The following TAFA1 variants were observed in gnomAD, a reference collection of about 807,000 sequenced individuals.
TAFA1 encodes the protein chemokine-like protein TAFA-1.
Under a neutral mutation model 18.5 loss-of-function variants are expected in TAFA1, and 4 were observed. That is an observed-to-expected ratio of 0.22 (90% confidence interval 0.11 to 0.49). The LOEUF is 0.49. Ranked by LOEUF, TAFA1 falls within the 20% of genes least tolerant of loss-of-function variation. The probability of loss-of-function intolerance (pLI) is 0.98; values close to 1 mark genes in which losing one functional copy is unlikely to be tolerated. For missense variants in TAFA1, 147 were observed against 169.0 expected (o/e 0.87, Z 0.72); for synonymous variants, 56 against 55.2 (o/e 1.01, Z -0.06).
rs9831086 is a variant in TAFA1, at chr3:68,201,988, C to G, written c.118+195244C>G. Among the ~76,000 whole-genome samples, 778 of 151,728 alleles carry G rather than the reference C, an allele frequency of 5.1e-3. 8 individuals carry two copies. The highest frequency in any genetic ancestry group is 0.018 in the African/African-American group (733 of 41,486). ...ATCATTCATTCCTGTGAGAATTAAT[C>G]CAGTCTCACCAGAATGAGAACTCAA... is the stretch of plus-strand genomic sequence containing the variant. On this transcript the variant is annotated intron_variant, in intron 2 of 4. Coordinates refer to ENST00000478136, the MANE Select transcript of TAFA1 (RefSeq NM_213609.4).
intron 3 of TAFA1, among the ~76,000 whole-genome samples, chr3:68,469,003 A>G (rs1238854989): frequency 6.6e-6 from 1 of 152,186 alleles, no homozygotes; most frequent in African/African-American, 2.4e-5. Flanking sequence ...AGAAAGAAAA[A>G]GAAATGAGTA....
At chr3:68,469,812 C>T (rs1301124180) in intron 3 of TAFA1, among the ~76,000 whole-genome samples, 1 of 152,188 alleles carries the variant, frequency 6.6e-6, no homozygotes, top group Non-Finnish European at 1.5e-5. Flanking sequence ...ATTACACAAC[C>T]TTGTACCAGT....
chr3:68,259,433 T>A (rs1268715321), intron 2 of TAFA1, among the ~76,000 whole-genome samples: 1 of 152,162 alleles, frequency 6.6e-6, no homozygotes, highest in African/African-American at 2.4e-5. Flanking sequence ...CTTTTTTGGT[T>A]CCAGATGAAC....
At chr3:68,249,196 C>T (rs1408311643) in intron 2 of TAFA1, among the ~76,000 whole-genome samples, 1 of 152,154 alleles carries the variant, frequency 6.6e-6, no homozygotes, top group African/African-American at 2.4e-5. Flanking sequence ...CTAAAATAAT[C>T]CAGGGAATAA....
chr3:68,435,899 A>G (rs1056999971), intron 3 of TAFA1, among the ~76,000 whole-genome samples: 1 of 152,178 alleles, frequency 6.6e-6, no homozygotes, highest in Non-Finnish European at 1.5e-5. Flanking sequence ...CTGCCAGACT[A>G]CATGTTAGAA....
At chr3:68,253,509 A>G (rs2107170652) in intron 2 of TAFA1, among the ~76,000 whole-genome samples, 1 of 152,242 alleles carries the variant, frequency 6.6e-6, no homozygotes, top group East Asian at 1.9e-4. Flanking sequence ...TGCAGCTCAG[A>G]TTTTGTGCAC....
chr3:68,256,240 A>G (rs369992327), intron 2 of TAFA1, among the ~76,000 whole-genome samples: 14 of 152,198 alleles, frequency 9.2e-5, no homozygotes, highest in African/African-American at 3.4e-4. Context: ...AGGAGTTTCC[A>G]CAGTTGTAAA....
At chr3:68,243,839 T>C (rs1324878983) in intron 2 of TAFA1, among the ~76,000 whole-genome samples, 1 of 152,168 alleles carries the variant, frequency 6.6e-6, no homozygotes, top group African/African-American at 2.4e-5. Flanking sequence ...AAGTCCATTT[T>C]TAATTACTAA....
intron 2 of TAFA1, among the ~76,000 whole-genome samples, chr3:68,115,494 A>C (rs567273202): frequency 1.3e-5 from 2 of 152,348 alleles, no homozygotes; most frequent in East Asian, 3.9e-4. Context: ...TGGCATACAG[A>C]CCAAATAATG....
upstream of TAFA1, among the ~76,000 whole-genome samples, chr3:68,000,890 T>A (rs1316158341): frequency 6.6e-6 from 1 of 152,224 alleles, no homozygotes; most frequent in Non-Finnish European, 1.5e-5. Context: ...CAGAAGAGTC[T>A]TCATTTCTGG....
intron 3 of TAFA1, among the ~76,000 whole-genome samples, chr3:68,418,958 G>A (rs1191487283): frequency 1.3e-5 from 2 of 152,146 alleles, no homozygotes; most frequent in Non-Finnish European, 2.9e-5. Context: ...CTGGCTTAGA[G>A]TATCTCATGT....
At chr3:68,348,255 A>G (rs2069199867) in intron 2 of TAFA1, among the ~76,000 whole-genome samples, 1 of 152,166 alleles carries the variant, frequency 6.6e-6, no homozygotes. Flanking sequence ...TAATGTATGT[A>G]AAAATGCTCA....
intron 3 of TAFA1, among the ~76,000 whole-genome samples, chr3:68,449,223 G>A (rs2106889888): frequency 6.6e-6 from 1 of 152,256 alleles, no homozygotes; most frequent in Non-Finnish European, 1.5e-5. Context: ...TAGGAATTAG[G>A]CAAAGAAAGA....
intron 2 of TAFA1, among the ~76,000 whole-genome samples, chr3:68,338,119 G>C (rs949117655): frequency 1.1e-4 from 17 of 152,188 alleles, no homozygotes; most frequent in African/African-American, 4.1e-4. Context: ...TGGACTACCT[G>C]CTATGGATCT....
At chr3:68,178,171 C>T (rs1448651672) in intron 2 of TAFA1, among the ~76,000 whole-genome samples, 2 of 152,000 alleles carry the variant, frequency 1.3e-5, no homozygotes, top group Non-Finnish European at 1.5e-5. Flanking sequence ...ATACATGACC[C>T]TGCAAAGCAC....
intron 3 of TAFA1, among the ~76,000 whole-genome samples, chr3:68,511,120 G>GA (rs2072839419): frequency 6.6e-6 from 1 of 152,112 alleles, no homozygotes; most frequent in Admixed American, 6.6e-5. Flanking sequence ...CCTGAAAGGG[G>GA]AAAAAACTCA....
chr3:68,428,661 A>G (rs903313400), intron 3 of TAFA1, among the ~76,000 whole-genome samples: 2 of 151,968 alleles, frequency 1.3e-5, no homozygotes, highest in Non-Finnish European at 2.9e-5. Flanking sequence ...AAGCAAGTCC[A>G]ATAATATCTG....
intron 2 of TAFA1, among the ~76,000 whole-genome samples, chr3:68,194,480 T>C (rs2066387123): frequency 6.6e-6 from 1 of 151,750 alleles, no homozygotes; most frequent in South Asian, 2.1e-4. Context: ...CTGATGACAA[T>C]TGATTCAACA....
At chr3:68,473,810 C>T (rs1157837626) in intron 3 of TAFA1, among the ~76,000 whole-genome samples, 2 of 152,098 alleles carry the variant, frequency 1.3e-5, no homozygotes, top group Non-Finnish European at 2.9e-5. Context: ...ATGCTCACTC[C>T]CCATCTCTAG....
Sources: gnomAD v4.1 joint callset for allele counts (sites outside exome capture counted in the v4.1 genomes callset) on GRCh38, gnomAD v4.1.1 for gene constraint, MANE v1.5 for transcripts, NCBI Gene and HGNC (gene_info 2026-07-23, HGNC 2026-07-21) for gene names.